Variants in CSNK2A2IP observed in about 807,000 individuals in gnomAD.
CSNK2A2IP encodes the protein casein kinase 2 subunit alpha' interacting protein, also known as casein kinase II subunit alpha'-interacting protein.
the CSNK2A2IP span, among the ~76,000 whole-genome samples, chr3:88,424,023 C>G: frequency 1.3e-5 from 2 of 152,132 alleles, no homozygotes; most frequent in African/African-American, 4.8e-5. Flanking sequence ...TGGTTCTTCT[C>G]TCCGTATTTC....
the CSNK2A2IP span, among the ~76,000 whole-genome samples, chr3:88,340,261 A>T: frequency 6.6e-6 from 1 of 151,910 alleles, no homozygotes; most frequent in Non-Finnish European, 1.5e-5. Context: ...GAGCATGATT[A>T]AATTGGTTAA....
chr3:88,419,769 C>T, the CSNK2A2IP span, among the ~76,000 whole-genome samples: 2 of 151,958 alleles, frequency 1.3e-5, no homozygotes, highest in Non-Finnish European at 2.9e-5. Flanking sequence ...CTCTTGAATA[C>T]GAAGATTTAA....
At chr3:88,391,160 A>G in the CSNK2A2IP span, among the ~76,000 whole-genome samples, 1 of 152,224 alleles carries the variant, frequency 6.6e-6, no homozygotes, top group Non-Finnish European at 1.5e-5. Flanking sequence ...TGTGATGTGT[A>G]GATATGTACA....
chr3:88,356,672 A>G, the CSNK2A2IP span, among the ~76,000 whole-genome samples: 1 of 152,098 alleles, frequency 6.6e-6, no homozygotes, highest in Non-Finnish European at 1.5e-5. Flanking sequence ...GAGCCTCCAT[A>G]CTGTTTTCTC....
chr3:88,427,062 T>A, the CSNK2A2IP span, among the ~76,000 whole-genome samples: 4 of 152,092 alleles, frequency 2.6e-5, no homozygotes, highest in African/African-American at 9.7e-5. Flanking sequence ...GACAGAAAGA[T>A]GTGGGAAAGT....
At chr3:88,452,403 C>T in the CSNK2A2IP span, among the ~76,000 whole-genome samples, 1 of 152,194 alleles carries the variant, frequency 6.6e-6, no homozygotes, top group South Asian at 2.1e-4. Context: ...GGAACATATT[C>T]AAAGCGTGGC....
the CSNK2A2IP span, chr3:88,466,857 A>T: frequency 1.8e-6 from 2 of 1,094,504 alleles, no homozygotes; most frequent in Non-Finnish European, 2.3e-6. Context: ...ATTGTGCAAC[A>T]CTTTCTGTCA....
At chr3:88,349,264 G>A in the CSNK2A2IP span, among the ~76,000 whole-genome samples, 11 of 151,926 alleles carry the variant, frequency 7.2e-5, no homozygotes, top group East Asian at 1.5e-3. Context: ...TCAATATGTT[G>A]TCTTTTGTCC....
the CSNK2A2IP span, among the ~76,000 whole-genome samples, chr3:88,431,985 G>A: frequency 6.6e-6 from 1 of 151,970 alleles, no homozygotes; most frequent in African/African-American, 2.4e-5. Flanking sequence ...GTTTTTTCCT[G>A]TAAAATATGT....
chr3:88,343,526 G>A, the CSNK2A2IP span, among the ~76,000 whole-genome samples: 2 of 151,916 alleles, frequency 1.3e-5, no homozygotes, highest in African/African-American at 4.8e-5. Flanking sequence ...TCACTGATTT[G>A]AGTAACACAA....
At chr3:88,368,787 C>T in the CSNK2A2IP span, among the ~76,000 whole-genome samples, 2 of 152,004 alleles carry the variant, frequency 1.3e-5, no homozygotes, top group Admixed American at 6.6e-5. Flanking sequence ...GGGCAGTTCA[C>T]TTTGTGATTT....
the CSNK2A2IP span, among the ~76,000 whole-genome samples, chr3:88,364,878 T>C: frequency 3.9e-5 from 6 of 152,162 alleles, no homozygotes; most frequent in Non-Finnish European, 8.8e-5. Flanking sequence ...GAGTGAAAAA[T>C]AGCTAACATT....
the CSNK2A2IP span, among the ~76,000 whole-genome samples, chr3:88,455,757 T>C: frequency 6.6e-6 from 1 of 152,002 alleles, no homozygotes; most frequent in African/African-American, 2.4e-5. Flanking sequence ...TTTGGCATCA[T>C]ATAAAAAAAT....
At chr3:88,369,839 A>T in the CSNK2A2IP span, among the ~76,000 whole-genome samples, 1 of 151,908 alleles carries the variant, frequency 6.6e-6, no homozygotes, top group African/African-American at 2.4e-5. Context: ...CTGGCATAAG[A>T]AGAGCAACTG....
the CSNK2A2IP span, among the ~76,000 whole-genome samples, chr3:88,435,880 TTA>T: frequency 1.9e-5 from 1 of 51,636 alleles, no homozygotes; most frequent in Non-Finnish European, 4.6e-5. Context: ...TTAATGTGCA[TTA>T]TATATATAAT....
the CSNK2A2IP span, among the ~76,000 whole-genome samples, chr3:88,376,352 A>C: frequency 6.6e-6 from 1 of 151,730 alleles, no homozygotes; most frequent in African/African-American, 2.4e-5. Flanking sequence ...GGCACTCAGC[A>C]AATATATTTT....
the CSNK2A2IP span, among the ~76,000 whole-genome samples, chr3:88,428,851 T>G: frequency 8.2e-3 from 1,254 of 152,076 alleles, 15 homozygotes; most frequent in African/African-American, 0.027. Flanking sequence ...CTTGCATTTA[T>G]TTTTCTAATT....
At chr3:88,456,390 C>T in the CSNK2A2IP span, among the ~76,000 whole-genome samples, 2 of 151,996 alleles carry the variant, frequency 1.3e-5, no homozygotes, top group Non-Finnish European at 2.9e-5. Flanking sequence ...TTATACTTTT[C>T]AGTGAGTAGA....
the CSNK2A2IP span, among the ~76,000 whole-genome samples, chr3:88,390,681 A>G: frequency 6.6e-6 from 1 of 152,182 alleles, no homozygotes; most frequent in African/African-American, 2.4e-5. Context: ...GGTTGCACTT[A>G]TTTCATGGAG....
Sources: gnomAD v4.1 joint callset for allele counts (sites outside exome capture counted in the v4.1 genomes callset) on GRCh38, gnomAD v4.1.1 for gene constraint, MANE v1.5 for transcripts, NCBI Gene and HGNC (gene_info 2026-07-23, HGNC 2026-07-21) for gene names.